Variants in RGL1 observed in about 807,000 individuals in gnomAD.
RGL1 encodes the protein ral guanine nucleotide dissociation stimulator like 1.
A neutral mutation model predicts 95.2 loss-of-function variants in RGL1; 24 were observed. That is an observed-to-expected ratio of 0.25 (90% CI 0.18 to 0.35). The LOEUF (loss-of-function observed/expected upper bound fraction) is 0.35. Among genes scored for constraint, RGL1 ranks in the 10% least tolerant of loss-of-function variants. RGL1 has a pLI of 1.00. For synonymous variants in RGL1, 329 were observed against 344.9 expected, an observed-to-expected ratio of 0.95 and a Z score of 0.51; for missense variants, 715 against 936.3, an observed-to-expected ratio of 0.76 and a Z score of 3.08.
At chr1:183,771,835 C>T (rs1659288777) in intron 2 of RGL1, among the ~76,000 whole-genome samples, 1 of 152,180 alleles carries the variant, frequency 6.6e-6, no homozygotes, top group African/African-American at 2.4e-5. Context: ...CCTATAAAAA[C>T]CCGAGACCCT....
At chr1:183,761,343 A>G (rs116738774) in intron 2 of RGL1, among the ~76,000 whole-genome samples, 1,889 of 152,344 alleles carry the variant, frequency 0.012, 48 homozygotes, top group African/African-American at 0.044. Context: ...TGAAATGGAT[A>G]TTGTGTTAGC....
At chr1:183,832,588 G>T (rs1663335246) in intron 2 of RGL1, among the ~76,000 whole-genome samples, 1 of 152,172 alleles carries the variant, frequency 6.6e-6, no homozygotes, top group Non-Finnish European at 1.5e-5. Context: ...AGGAACTGTT[G>T]ATGAGCCTTT....
chr1:183,745,879 T>C (rs1208090180), intron 2 of RGL1, among the ~76,000 whole-genome samples: 1 of 152,178 alleles, frequency 6.6e-6, no homozygotes, highest in Non-Finnish European at 1.5e-5. Context: ...TCAACATTTT[T>C]ATATTCAATG....
chr1:183,671,058 A>C (rs941936275), intron 1 of RGL1, among the ~76,000 whole-genome samples: 3 of 152,236 alleles, frequency 2.0e-5, no homozygotes, highest in Non-Finnish European at 2.9e-5. Context: ...CCTTCTTCAC[A>C]AGGTGGCTGG....
chr1:183,777,542 T>C (rs1558201326), intron 2 of RGL1, among the ~76,000 whole-genome samples: 1 of 152,220 alleles, frequency 6.6e-6, no homozygotes, highest in Non-Finnish European at 1.5e-5. Context: ...GGTTTCATAA[T>C]GGAAAATAAG....
At position 183,926,452 on chromosome 1, in the gene RGL1, G is replaced by A. The variant is rs1045297420; in HGVS notation, c.*160G>A. The A allele has an allele frequency of 6.1e-6, 3 of 489,370 alleles. No individual in the cohort carries two copies. The Admixed American group carries it at 1.2e-4, about 20-fold the overall frequency. The allele number at this position is 489,370 out of a possible 1,614,324, so 30.3% of individuals were successfully genotyped here. A position where few individuals can be genotyped will look rare whatever the true frequency, so the allele number is the denominator to read the frequency against. ...TGCAAAGCATTATGATAGGCACCGT[G>A]GGGAAACTGGAAATGAATTTGACAT... On this transcript the variant is annotated 3_prime_UTR_variant, in exon 18 of 18. Coordinates refer to ENST00000360851, the MANE Select transcript of RGL1 (RefSeq NM_001297671.3).
intron 2 of RGL1, among the ~76,000 whole-genome samples, chr1:183,779,068 G>A (rs891443635): frequency 1.3e-5 from 2 of 152,128 alleles, no homozygotes; most frequent in Admixed American, 6.5e-5. Flanking sequence ...TCCTCCCCTG[G>A]AGGACAGACT....
intron 3 of RGL1, among the ~76,000 whole-genome samples, chr1:183,849,345 T>C (rs1664662034): frequency 1.3e-5 from 2 of 152,178 alleles, no homozygotes; most frequent in South Asian, 4.1e-4. Context: ...GGCTGGCATA[T>C]TGAAAGCTCA....
At chr1:183,701,527 A>G (rs1439094839) in intron 1 of RGL1, among the ~76,000 whole-genome samples, 2 of 152,214 alleles carry the variant, frequency 1.3e-5, no homozygotes, top group Admixed American at 1.3e-4. Flanking sequence ...GTTTTATTAA[A>G]TGGATGGAAT....
intron 2 of RGL1, among the ~76,000 whole-genome samples, chr1:183,843,164 T>A (rs1293773354): frequency 6.6e-6 from 1 of 152,240 alleles, no homozygotes; most frequent in African/African-American, 2.4e-5. Flanking sequence ...TAACTTAACA[T>A]GCATTGTTAT....
intron 4 of RGL1, among the ~76,000 whole-genome samples, chr1:183,875,750 G>C (rs1171814773): frequency 6.6e-6 from 1 of 151,562 alleles, no homozygotes; most frequent in Admixed American, 6.6e-5. Flanking sequence ...ATGGTGGCAC[G>C]TGCCTGTAAT....
rs551008973 is a variant in RGL1 at position 183,668,935 on chromosome 1, C to CTTTTTTTTTTTTTTTTTTT, written c.-33+32438_-33+32439insTTTTTTTTTTTTTTTTTTT. On this transcript the variant is annotated intron_variant, in intron 1 of 18. Transcript: ENST00000304685. ...CTTTTTGCTTTTGGTATTGGACTTTCTTTTCTTTTTTTTTTTTTTTGAGAT... is the reference window on the plus strand; with the variant it reads ...CTTTTTGCTTTTGGTATTGGACTTTCTTTTTTTTTTTTTTTTTTTTTTTCTTTTTTTTTTTTTTTGAGAT... Among the ~76,000 whole-genome samples, 7 of 115,554 alleles carry CTTTTTTTTTTTTTTTTTTT rather than the reference C, an allele frequency of 6.1e-5. 2 individuals carry two copies. Among genetic ancestry groups the CTTTTTTTTTTTTTTTTTTT allele is most frequent in the African/African-American group, 6.3e-5 (2 of 31,502 alleles). The allele number at this position is 115,554 out of a possible 152,430, so 75.8% of individuals were successfully genotyped here.
At chr1:183,885,699 G>T (rs959111103) in intron 7 of RGL1, among the ~76,000 whole-genome samples, 1 of 152,232 alleles carries the variant, frequency 6.6e-6, no homozygotes, top group Non-Finnish European at 1.5e-5. Flanking sequence ...TGTACTTAGG[G>T]GACATACTAG....
chr1:183,699,063 G>A (rs1239389451), intron 1 of RGL1, among the ~76,000 whole-genome samples: 6 of 152,242 alleles, frequency 3.9e-5, no homozygotes, highest in Admixed American at 2.0e-4. Context: ...CATCACATAT[G>A]TTGGATGCCC....
intron 7 of RGL1, among the ~76,000 whole-genome samples, chr1:183,886,642 G>A (rs1667125300): frequency 6.6e-6 from 1 of 152,034 alleles, no homozygotes. Flanking sequence ...AAAGCCAAGG[G>A]CTCTTACTTT....
At chr1:183,869,871 T>C (rs9425326) in intron 4 of RGL1, among the ~76,000 whole-genome samples, 48,348 of 151,984 alleles carry the variant, frequency 0.32, 8,472 homozygotes, top group African/African-American at 0.47. Context: ...TTCCTGATGA[T>C]CAATAGATGT....
chr1:183,776,856 G>A (rs1392576910), intron 2 of RGL1, among the ~76,000 whole-genome samples: 1 of 152,174 alleles, frequency 6.6e-6, no homozygotes, highest in African/African-American at 2.4e-5. Flanking sequence ...GTCACTGTTA[G>A]CGAGGTCTCC....
chr1:183,823,850 G>C (rs993417998), intron 2 of RGL1, among the ~76,000 whole-genome samples: 1 of 152,124 alleles, frequency 6.6e-6, no homozygotes, highest in Non-Finnish European at 1.5e-5. Context: ...AGTGCAGTAT[G>C]GTCATAGCTT....
intron 1 of RGL1, among the ~76,000 whole-genome samples, chr1:183,697,729 G>A (rs1189672948): frequency 6.6e-6 from 1 of 152,150 alleles, no homozygotes; most frequent in African/African-American, 2.4e-5. Flanking sequence ...TTTTAGTTGC[G>A]TGCTGGTACT....
Sources: gnomAD v4.1 joint callset for allele counts (sites outside exome capture counted in the v4.1 genomes callset) on GRCh38, gnomAD v4.1.1 for gene constraint, MANE v1.5 for transcripts, NCBI Gene and HGNC (gene_info 2026-07-23, HGNC 2026-07-21) for gene names.